DLEU7: variants seen among roughly 807,000 people sequenced by gnomAD.
DLEU7 encodes the protein deleted in lymphocytic leukemia 7, also known as leukemia-associated protein 7.
A neutral mutation model predicts 16.0 loss-of-function variants in DLEU7; 17 were observed. The observed-to-expected ratio is 1.06, with a 90% confidence interval of 0.73 to 1.59. The LOEUF (loss-of-function observed/expected upper bound fraction) is 1.59. DLEU7 is among the 40% of genes most tolerant of loss of function. The pLI is 0.00. For missense variants in DLEU7, 308 were observed against 314.9 expected, an observed-to-expected ratio of 0.98 and a Z score of 0.17; for synonymous variants, 113 against 139.8, an observed-to-expected ratio of 0.81 and a Z score of 1.35.
chr13:50,733,309 A>T (rs1268958760), intron 1 of DLEU7, among the ~76,000 whole-genome samples: 2 of 152,184 alleles, frequency 1.3e-5, no homozygotes, highest in African/African-American at 4.8e-5. Flanking sequence ...AATGTTTTAG[A>T]TTATTGCACA....
chr13:50,715,188 C>G (rs1308290387), intron 1 of DLEU7, among the ~76,000 whole-genome samples: 1 of 152,166 alleles, frequency 6.6e-6, no homozygotes, highest in Non-Finnish European at 1.5e-5. Context: ...ATCCTTCTCA[C>G]GAGGCCTCAT....
chr13:50,790,660 TG>T, intron 1 of DLEU7, among the ~76,000 whole-genome samples: 1 of 151,894 alleles, frequency 6.6e-6, no homozygotes, highest in African/African-American at 2.4e-5. Flanking sequence ...GCGAGGGGTG[TG>T]GGGTGGGCGG....
intron 1 of DLEU7, among the ~76,000 whole-genome samples, chr13:50,759,120 C>T (rs1378874688): frequency 6.6e-6 from 1 of 152,226 alleles, no homozygotes; most frequent in African/African-American, 2.4e-5. Context: ...CAAACACATT[C>T]CCTTAGACAG....
intron 1 of DLEU7, among the ~76,000 whole-genome samples, chr13:50,814,097 T>G (rs1464144620): frequency 1.3e-5 from 2 of 152,136 alleles, no homozygotes; most frequent in Non-Finnish European, 2.9e-5. Context: ...GCTTACCAAC[T>G]TCATGGCATT....
chr13:50,741,729 T>C (rs1056143590), intron 1 of DLEU7, among the ~76,000 whole-genome samples: 5 of 152,164 alleles, frequency 3.3e-5, no homozygotes, highest in African/African-American at 9.7e-5. Context: ...ATAAAAGAAA[T>C]AGCATTTCTC....
chr13:50,833,472 A>C (rs1358537291), intron 1 of DLEU7, among the ~76,000 whole-genome samples: 1 of 152,224 alleles, frequency 6.6e-6, no homozygotes, highest in Non-Finnish European at 1.5e-5. Context: ...ACCAAGGAAT[A>C]CAAATTACAA....
intron 1 of DLEU7, among the ~76,000 whole-genome samples, chr13:50,793,733 T>C (rs963431804): frequency 1.3e-5 from 2 of 152,234 alleles, no homozygotes; most frequent in African/African-American, 4.8e-5. Flanking sequence ...TTAAGTTCCT[T>C]ATAGATTCTG....
intron 1 of DLEU7, among the ~76,000 whole-genome samples, chr13:50,816,304 A>G (rs1025114042): frequency 6.6e-6 from 1 of 152,160 alleles, no homozygotes; most frequent in Non-Finnish European, 1.5e-5. Context: ...GAGTATGCCA[A>G]TTAATGCAAT....
intron 1 of DLEU7, among the ~76,000 whole-genome samples, chr13:50,789,009 T>C (rs1367322576): frequency 1.3e-5 from 2 of 152,104 alleles, no homozygotes; most frequent in African/African-American, 2.4e-5. Context: ...TGGCTGTAAA[T>C]AATGGCTTCA....
intron 1 of DLEU7, among the ~76,000 whole-genome samples, chr13:50,813,625 T>C (rs1196878914): frequency 6.6e-6 from 1 of 152,126 alleles, no homozygotes; most frequent in Non-Finnish European, 1.5e-5. Flanking sequence ...TTAAGGAGAC[T>C]GAGCTTCCGT....
At chr13:50,841,179 C>A (rs1347160047) in intron 1 of DLEU7, among the ~76,000 whole-genome samples, 7 of 152,094 alleles carry the variant, frequency 4.6e-5, no homozygotes, top group African/African-American at 1.7e-4. Context: ...GATTTACCTA[C>A]CCTCTGCTTG....
At chr13:50,736,726 G>A (rs111511857) in intron 1 of DLEU7, among the ~76,000 whole-genome samples, 3 of 151,706 alleles carry the variant, frequency 2.0e-5, no homozygotes, top group Non-Finnish European at 2.9e-5. Context: ...TAGCAGAGCC[G>A]ATATTTGGAA....
chr13:50,728,411 TA>T (rs1873825873), intron 1 of DLEU7, among the ~76,000 whole-genome samples: 1 of 152,242 alleles, frequency 6.6e-6, no homozygotes, highest in Admixed American at 6.5e-5. Context: ...ATTTAAAATC[TA>T]AACACAAGGT....
rs542062679 is a variant in DLEU7 at position 50,736,052 on chromosome 13, G to A, written c.460-22812C>T. Among the ~76,000 whole-genome samples, 214 of 152,192 alleles carry A rather than the reference G, an allele frequency of 1.4e-3. 1 individual carries two copies. The highest frequency in any genetic ancestry group is 4.8e-3 in the African/African-American group (201 of 41,540). On this transcript the variant is annotated intron_variant, in intron 1 of 1. Coordinates refer to the DLEU7 transcript ENST00000400393. The stretch of plus-strand genomic sequence containing the variant: ...ATAGTTCTATCATGAAAATACATGC[G>A]TGTGTACGTTAATTGCAATACTATT...
intron 1 of DLEU7, among the ~76,000 whole-genome samples, chr13:50,747,232 G>C (rs1035913722): frequency 3.9e-5 from 6 of 151,982 alleles, no homozygotes; most frequent in Admixed American, 3.3e-4. Flanking sequence ...AACTATATTG[G>C]GGAAAGGAGT....
At position 50,843,664 on chromosome 13, in the gene DLEU7, C is replaced by G; in HGVS notation, c.-18G>C. ...CTGGCCATCGCCTCCGCTGGCGGCC[C>G]GGCGCGCTCCGCGTGCAGGTGGAGC... is the stretch of plus-strand genomic sequence containing the variant. On this transcript the variant is annotated 5_prime_UTR_variant, in exon 1 of 2. Transcript: ENST00000504404. This position sits in a 1 kb window ranked among gnomAD's most constrained non-coding sequence, Gnocchi z 5.7. 6.7e-7 allele frequency: 1 copy of G among 1,497,876 alleles called. No homozygotes were observed. The highest frequency in any genetic ancestry group is 8.8e-7 in the Non-Finnish European group (1 of 1,131,396). The allele number at this position is 1,497,876 out of a possible 1,614,324, so 92.8% of individuals were successfully genotyped here.
intron 1 of DLEU7, among the ~76,000 whole-genome samples, chr13:50,839,378 C>T (rs1302417332): frequency 3.9e-5 from 6 of 152,248 alleles, no homozygotes; most frequent in Non-Finnish European, 8.8e-5. Context: ...AAGAAACTCA[C>T]TGCAATAGGT....
At chr13:50,713,208 T>A in exon 2 of DLEU7, 2 of 1,611,028 alleles carry the variant, frequency 1.2e-6, no homozygotes, top group Middle Eastern at 3.3e-4. Flanking sequence ...ACTCCTACAG[T>A]GACCTTCTTC....
intron 1 of DLEU7, among the ~76,000 whole-genome samples, chr13:50,742,757 T>C (rs1017655391): frequency 1.3e-5 from 2 of 152,130 alleles, no homozygotes; most frequent in African/African-American, 2.4e-5. Flanking sequence ...ACAGTCTTGG[T>C]TGTAACTACT....
Sources: allele counts gnomAD v4.1 joint callset (sites outside exome capture counted in the v4.1 genomes callset), GRCh38; gene constraint gnomAD v4.1.1; non-coding constraint Gnocchi (gnomAD v3.1); transcripts MANE v1.5; gene names NCBI Gene and HGNC (gene_info 2026-07-23, HGNC 2026-07-21).